ACLY: variants seen among roughly 807,000 people sequenced by gnomAD.
The protein encoded by ACLY is ATP-citrate synthase.
Under a neutral mutation model 133.0 loss-of-function variants are expected in ACLY, and 41 were observed. The observed-to-expected ratio is 0.31, with a 90% CI of 0.24 to 0.40. The LOEUF is 0.40. ACLY is among the 10% of genes least tolerant of loss of function. The pLI, the probability that ACLY is intolerant of heterozygous loss-of-function variation, is 1.00. For synonymous variants in ACLY, 495 were observed against 549.3 expected, an observed-to-expected ratio of 0.90 and a Z score of 1.38; for missense variants, 1,046 against 1,453.8, an observed-to-expected ratio of 0.72 and a Z score of 4.56.
chr17:41,900,927 G>A (rs1567904916), intron 11 of ACLY, among the ~76,000 whole-genome samples: 1 of 151,372 alleles, frequency 6.6e-6, no homozygotes, highest in African/African-American at 2.4e-5. Context: ...CTCATTCTAG[G>A]TCTTTGCTCA....
chr17:41,913,634 G>T, intron 2 of ACLY, 81 bp downstream of exon 2: 1 of 1,464,638 alleles, frequency 6.8e-7, no homozygotes, highest in Non-Finnish European at 9.3e-7. Flanking sequence ...TGACCCTATC[G>T]GCATCACCAA....
upstream of ACLY, among the ~76,000 whole-genome samples, chr17:41,919,607 G>C (rs1419975217): frequency 6.6e-6 from 1 of 152,234 alleles, no homozygotes; most frequent in Non-Finnish European, 1.5e-5. Flanking sequence ...GGCTAGGAGG[G>C]TGCAGGCACA....
chr17:41,876,446 A>C (rs2048761280), intron 22 of ACLY, among the ~76,000 whole-genome samples: 1 of 152,252 alleles, frequency 6.6e-6, no homozygotes, highest in Non-Finnish European at 1.5e-5. Context: ...AGCCATGATG[A>C]CAATGGCGGT....
At chr17:41,904,672 TC>T (rs1257628365) in intron 10 of ACLY, 56 bp downstream of exon 10, 1 of 1,543,728 alleles carries the variant, frequency 6.5e-7, no homozygotes, top group African/African-American at 1.4e-5. Context: ...CAAGGCCCCT[TC>T]CCTGCTTTCC....
chr17:41,903,211 G>A (rs2049588357), intron 10 of ACLY, among the ~76,000 whole-genome samples: 1 of 152,136 alleles, frequency 6.6e-6, no homozygotes, highest in Admixed American at 6.6e-5. Flanking sequence ...CTGAGCATCT[G>A]ACAGCATGGA....
At chr17:41,918,072 G>C (rs1369379963) in intron 1 of ACLY, among the ~76,000 whole-genome samples, 1 of 152,260 alleles carries the variant, frequency 6.6e-6, no homozygotes, top group Non-Finnish European at 1.5e-5. Context: ...TATCTGCCAA[G>C]GTTGGAGACC....
At position 41,884,214 on chromosome 17, in the gene ACLY, T is replaced by G; in HGVS notation, c.2133A>C (p.Lys711Asn). 6.2e-7 allele frequency: 1 copy of G among 1,611,216 alleles called. No homozygotes were observed. The highest frequency in any genetic ancestry group is 8.5e-7 in the Non-Finnish European group (1 of 1,177,442). Reference sequence around the variant, plus strand: ...TCACCTCTCCAAGAACCACAATCATTTTGACTCCTGGAGTGTCCTGATAGC... The same window carrying G: ...TCACCTCTCCAAGAACCACAATCATGTTGACTCCTGGAGTGTCCTGATAGC... Reference protein sequence around the residue: ...VLRYQDTPGVKMIVVLGEIGG... With the variant: ...VLRYQDTPGVNMIVVLGEIGG... The change falls in exon 19 of 29, where the codon AAA becomes AAC. Residue 711 changes from lysine (K) to asparagine (N), a missense_variant. Around this residue, in one of 4 missense-constraint regions of ACLY, gnomAD observed 575 missense variants for 804.2 expected, o/e 0.71. Transcript: ENST00000352035.
chr17:41,893,320 G>T, intron 14 of ACLY, 146 bp from the exon 15 acceptor site: 1 of 970,550 alleles, frequency 1.0e-6, no homozygotes, highest in Non-Finnish European at 1.4e-6. Flanking sequence ...CAAGAGGACA[G>T]AATTCTGAGA....
chr17:41,905,221 G>A (rs556116822), intron 9 of ACLY, among the ~76,000 whole-genome samples: 5 of 152,282 alleles, frequency 3.3e-5, no homozygotes, highest in African/African-American at 7.2e-5. Context: ...TATCGCAATC[G>A]GATAAACTGA....
chr17:41,901,704 C>G lies in ACLY; in HGVS notation c.1175G>C (p.Gly392Ala). Reference sequence around the variant, plus strand: ...AAAGGTCCTCATCTTACCGACTTCTCCCATCACCCGTAAGCCCTCCTGATA... The same window carrying G: ...AAAGGTCCTCATCTTACCGACTTCTGCCATCACCCGTAAGCCCTCCTGATA... ...PNYQEGLRVM[G>A]EVGKTTGIPI... The change falls in exon 11 of 29, where the codon GGA becomes GCA. Residue 392 changes from glycine to alanine, a missense_variant. Transcript: ENST00000352035. The G allele has an allele frequency of 6.2e-7, 1 of 1,611,024 alleles. No individual in the cohort carries two copies.
chr17:41,912,992 C>G lies in ACLY; in HGVS notation c.160-450G>C, dbSNP rs1287556839. ...CCCTGTGCTTGAACCCTGTCTACAA[C>G]AGGCCCAATAAGCAGCCCCTAACCA... On this transcript the variant is annotated intron_variant, in intron 2 of 28. Coordinates refer to ENST00000352035, the MANE Select transcript of ACLY (RefSeq NM_001096.3). Among the ~76,000 whole-genome samples the G allele has an allele frequency of 2.0e-5, 3 of 152,188 alleles. No homozygotes were observed. The East Asian group carries it at 5.8e-4, about 29-fold the overall frequency.
intron 27 of ACLY, 29 bp downstream of exon 27, chr17:41,869,014 A>G: frequency 6.4e-7 from 1 of 1,568,950 alleles, no homozygotes; most frequent in African/African-American, 1.4e-5. Context: ...AACAAACGTA[A>G]TGAAGAAGAA....
At chr17:41,901,652 AC>A (rs781847613) in intron 11 of ACLY, 43 bp downstream of exon 11, 2 of 1,515,726 alleles carry the variant, frequency 1.3e-6, no homozygotes, top group African/African-American at 1.4e-5. Flanking sequence ...GAGGAAGGCC[AC>A]CCACACTCAG....
chr17:41,896,878 G>C (rs905065946), intron 13 of ACLY, among the ~76,000 whole-genome samples: 3 of 152,254 alleles, frequency 2.0e-5, no homozygotes, highest in Non-Finnish European at 2.9e-5. Context: ...CGGGCAGAGA[G>C]GGGGCAGGAG....
chr17:41,867,947 G>A, intron 28 of ACLY, 43 bp from the exon 29 acceptor site: 1 of 1,425,032 alleles, frequency 7.0e-7, no homozygotes, highest in Non-Finnish European at 9.8e-7. Flanking sequence ...AGCTTCATAA[G>A]CCTGGTGAGA....
chr17:41,883,570 G>A (rs943254258), intron 19 of ACLY, among the ~76,000 whole-genome samples: 13 of 141,414 alleles, frequency 9.2e-5, no homozygotes, highest in African/African-American at 2.3e-4. Flanking sequence ...TTTAAAAAGC[G>A]CTTTTTTTTT....
chr17:41,893,522 T>C (rs116225128), intron 14 of ACLY, among the ~76,000 whole-genome samples: 90 of 152,348 alleles, frequency 5.9e-4, no homozygotes, highest in African/African-American at 2.1e-3. Flanking sequence ...TCAGCTTATA[T>C]GCAAATGAGG....
intron 1 of ACLY, among the ~76,000 whole-genome samples, chr17:41,924,424 T>C (rs1196845818): frequency 4.0e-5 from 6 of 151,784 alleles, no homozygotes; most frequent in Admixed American, 2.6e-4. Flanking sequence ...TAGGATTACA[T>C]GCGTGAGCCA....
In ACLY at chr17:41,892,478, T is replaced by C. The variant is rs201741511; in HGVS notation, c.1602-31A>G. 3.9e-4 allele frequency: 624 copies of C among 1,598,802 alleles called. 3 individuals carry two copies. In the Middle Eastern group the frequency reaches 5.8e-3, roughly 15 times the overall value. ...AGAAAGTAAAAGAAGAATTAGGATA[T>C]CCTCAACCTGTCAGGACTGGGGAAG... On this transcript the variant is annotated intron_variant, in intron 15 of 28. Coordinates refer to ENST00000352035, the MANE Select transcript of ACLY (RefSeq NM_001096.3).
Sources: allele counts gnomAD v4.1 joint callset (sites outside exome capture counted in the v4.1 genomes callset), GRCh38; gene constraint gnomAD v4.1.1; regional missense constraint gnomAD v4.1.1; transcripts MANE v1.5; gene names NCBI Gene and HGNC (gene_info 2026-07-23, HGNC 2026-07-21).